Variants in KCNB2 observed in about 807,000 individuals in gnomAD.
The protein encoded by KCNB2 is potassium voltage-gated channel subfamily B member 2.
Under a neutral mutation model 61.5 loss-of-function variants are expected in KCNB2, and 15 were observed. The ratio of observed to expected loss-of-function variants is 0.24; its 90% CI spans 0.16 to 0.38. The LOEUF is 0.38. KCNB2 is among the 10% of genes least tolerant of loss of function. The probability of loss-of-function intolerance (pLI) is 1.00; values close to 1 mark genes in which losing one functional copy is unlikely to be tolerated. For synonymous variants in KCNB2, 457 were observed against 446.0 expected, an observed-to-expected ratio of 1.02 and a Z score of -0.31; for missense variants, 828 against 1,125.2, an observed-to-expected ratio of 0.74 and a Z score of 3.78.
intron 2 of KCNB2, among the ~76,000 whole-genome samples, chr8:72,813,872 T>G (rs1275797096): frequency 1.3e-5 from 2 of 152,228 alleles, no homozygotes; most frequent in African/African-American, 4.8e-5. Flanking sequence ...TCTTTTTTAT[T>G]ATACTTTAAT....
chr8:72,718,457 A>G (rs1471432245), intron 2 of KCNB2, among the ~76,000 whole-genome samples: 2 of 152,190 alleles, frequency 1.3e-5, no homozygotes, highest in East Asian at 1.9e-4. Context: ...AATGTGGCAC[A>G]TATACACCAT....
intron 2 of KCNB2, among the ~76,000 whole-genome samples, chr8:72,594,145 C>G (rs1256798722): frequency 6.6e-6 from 1 of 152,114 alleles, no homozygotes; most frequent in Non-Finnish European, 1.5e-5. Context: ...GCAGATGACT[C>G]AGCTCTATTG....
At chr8:72,573,726 C>T (rs1050559403) in intron 2 of KCNB2, among the ~76,000 whole-genome samples, 3 of 149,920 alleles carry the variant, frequency 2.0e-5, no homozygotes, top group Admixed American at 6.7e-5. Context: ...ACATTGAGGC[C>T]CCTCTGTGTA....
chr8:72,852,220 A>G (rs986044343), intron 2 of KCNB2, among the ~76,000 whole-genome samples: 3 of 152,214 alleles, frequency 2.0e-5, no homozygotes, highest in African/African-American at 7.2e-5. Context: ...TGATTGCATT[A>G]CTGCACTTTA....
In KCNB2 at chr8:72,688,340, C is replaced by T. The variant is rs938489612; in HGVS notation, c.579+120027C>T. ...GCTGTAGCCCCCAGGACCTATTCAACGTTCCCAAGTGCATCAAGCTGTTTC... is the reference window on the plus strand; with the variant it reads ...GCTGTAGCCCCCAGGACCTATTCAATGTTCCCAAGTGCATCAAGCTGTTTC... On this transcript the variant is annotated intron_variant, in intron 2 of 2. Coordinates refer to ENST00000523207, the MANE Select transcript of KCNB2 (RefSeq NM_004770.3). Among the ~76,000 whole-genome samples, 10 of 152,132 alleles carry T rather than the reference C, an allele frequency of 6.6e-5. No individual in the cohort carries two copies. In the East Asian group the frequency reaches 1.2e-3, roughly 18 times the overall value.
At chr8:72,821,126 A>G (rs981357901) in intron 2 of KCNB2, among the ~76,000 whole-genome samples, 2 of 152,204 alleles carry the variant, frequency 1.3e-5, no homozygotes, top group Non-Finnish European at 1.5e-5. Context: ...ATAGACAAAA[A>G]CACAGAAGAG....
chr8:72,684,148 A>G (rs1270660898), intron 2 of KCNB2, among the ~76,000 whole-genome samples: 1 of 152,218 alleles, frequency 6.6e-6, no homozygotes, highest in Non-Finnish European at 1.5e-5. Flanking sequence ...CTTATAATCT[A>G]CAGGGGTTGG....
chr8:72,744,742 C>T lies in KCNB2; in HGVS notation c.579+176429C>T, dbSNP rs558421914. 8.5e-5 allele frequency among the ~76,000 whole-genome samples: 13 copies of T among 152,242 alleles called. No homozygotes were observed. In the South Asian group the frequency reaches 2.7e-3, roughly 32 times the overall value. ...GGCCGAGCATCCCAGAGAGAAAACA[C>T]AAGTGCCAAGGACCTGAAGCGAGAA... is the stretch of plus-strand genomic sequence containing the variant. On this transcript the variant is annotated intron_variant, in intron 2 of 2. Transcript: ENST00000523207.
At chr8:72,721,554 G>A (rs1341812155) in intron 2 of KCNB2, among the ~76,000 whole-genome samples, 8 of 152,234 alleles carry the variant, frequency 5.3e-5, no homozygotes, top group Non-Finnish European at 1.0e-4. Context: ...GTCAAAGGCA[G>A]AAGGAATGGG....
At chr8:72,762,926 A>G (rs1409329026) in intron 2 of KCNB2, among the ~76,000 whole-genome samples, 1 of 149,024 alleles carries the variant, frequency 6.7e-6, no homozygotes, top group African/African-American at 2.4e-5. Flanking sequence ...ACTCATAAAC[A>G]TACATACATA....
intron 2 of KCNB2, among the ~76,000 whole-genome samples, chr8:72,692,474 G>T (rs561140182): frequency 1.7e-4 from 26 of 152,124 alleles, no homozygotes; most frequent in Non-Finnish European, 3.2e-4. Flanking sequence ...AATATAGTTT[G>T]TTGTTATTTG....
chr8:72,700,434 C>CT (rs905885706), intron 2 of KCNB2, among the ~76,000 whole-genome samples: 72 of 152,028 alleles, frequency 4.7e-4, no homozygotes, highest in African/African-American at 1.7e-3. Flanking sequence ...AGAAGACAGA[C>CT]AAGTGGCCAA....
intron 2 of KCNB2, among the ~76,000 whole-genome samples, chr8:72,713,222 C>G (rs1175102347): frequency 6.6e-6 from 1 of 152,232 alleles, no homozygotes; most frequent in African/African-American, 2.4e-5. Flanking sequence ...TCTGTAGGCT[C>G]CACCTCTGGG....
chr8:72,846,135 A>T (rs1809988877), intron 2 of KCNB2, among the ~76,000 whole-genome samples: 1 of 152,168 alleles, frequency 6.6e-6, no homozygotes, highest in Admixed American at 6.5e-5. Context: ...AAAGCGTAGT[A>T]TCTGGACCGG....
intron 2 of KCNB2, among the ~76,000 whole-genome samples, chr8:72,617,160 C>T (rs1183534565): frequency 6.6e-6 from 1 of 152,144 alleles, no homozygotes; most frequent in Non-Finnish European, 1.5e-5. Context: ...CTCTTTCCTC[C>T]ACTTTTCTTA....
intron 2 of KCNB2, among the ~76,000 whole-genome samples, chr8:72,792,857 A>G (rs1808968707): frequency 1.3e-5 from 2 of 152,228 alleles, no homozygotes; most frequent in Admixed American, 6.5e-5. Context: ...CATAGTGAAG[A>G]ATCAATAGCA....
intron 1 of KCNB2, among the ~76,000 whole-genome samples, 186 bp from the exon 2 acceptor site, chr8:72,567,456 T>C (rs762335592): frequency 7.2e-5 from 11 of 152,106 alleles, no homozygotes; most frequent in Non-Finnish European, 1.5e-4. Context: ...TGTTGTCTTT[T>C]CCCCCTTTCC....
intron 1 of KCNB2, among the ~76,000 whole-genome samples, chr8:72,546,117 T>C (rs555330291): frequency 4.6e-5 from 7 of 152,310 alleles, no homozygotes; most frequent in East Asian, 1.9e-4. Context: ...AAATTCTTTG[T>C]TCTTTGTTCT....
intron 2 of KCNB2, among the ~76,000 whole-genome samples, chr8:72,893,223 T>A (rs1805930829): frequency 1.3e-5 from 2 of 152,234 alleles, no homozygotes; most frequent in Admixed American, 1.3e-4. Flanking sequence ...TAAAAAAAAA[T>A]CACACTCGTC....
Sources: gnomAD v4.1 joint callset for allele counts (sites outside exome capture counted in the v4.1 genomes callset) on GRCh38, gnomAD v4.1.1 for gene constraint, MANE v1.5 for transcripts, NCBI Gene and HGNC (gene_info 2026-07-23, HGNC 2026-07-21) for gene names.